TRAF3IP1: variants seen among roughly 807,000 people sequenced by gnomAD.
The protein encoded by TRAF3IP1 is TRAF3-interacting protein 1.
In TRAF3IP1, 53 loss-of-function variants were observed where a neutral mutation model predicts 89.9. That is an observed-to-expected ratio of 0.59 (90% CI 0.47 to 0.74). The LOEUF is 0.74. TRAF3IP1 is among the 30% of genes least tolerant of loss of function. The pLI, the probability that TRAF3IP1 is intolerant of heterozygous loss-of-function variation, is 0.00. For synonymous variants in TRAF3IP1, 311 were observed against 322.1 expected (o/e 0.97, Z 0.37); for missense variants, 806 against 866.1 (o/e 0.93, Z 0.87).
chr2:238,352,677 A>G, intron 12 of TRAF3IP1, 150 bp from the exon 13 acceptor site: 3 of 785,572 alleles, frequency 3.8e-6, no homozygotes, highest in Non-Finnish European at 2.0e-6. Context: ...CAGACAGTCC[A>G]TCTTAGCTTC....
intron 1 of TRAF3IP1, among the ~76,000 whole-genome samples, chr2:238,321,404 A>G (rs1396999744): frequency 6.6e-6 from 1 of 152,042 alleles, no homozygotes; most frequent in Admixed American, 6.5e-5. Context: ...TTCCCTCCAT[A>G]CCACATTTTG....
intron 15 of TRAF3IP1, among the ~76,000 whole-genome samples, chr2:238,382,879 C>CCT (rs1326504411): frequency 6.6e-6 from 1 of 151,784 alleles, no homozygotes; most frequent in Non-Finnish European, 1.5e-5. Context: ...CTCGTTGCCT[C>CCT]CTCTCTCTCT....
chr2:238,359,470 T>C (rs1015104341), intron 15 of TRAF3IP1, among the ~76,000 whole-genome samples: 2 of 152,170 alleles, frequency 1.3e-5, no homozygotes, highest in Non-Finnish European at 2.9e-5. Flanking sequence ...TGTGCACTCT[T>C]TGAGGTTTTT....
At chr2:238,328,576 T>C in intron 3 of TRAF3IP1, 110 bp from the exon 4 acceptor site, 1 of 1,266,488 alleles carries the variant, frequency 7.9e-7, no homozygotes, top group Non-Finnish European at 1.1e-6. Context: ...AATTTCATTG[T>C]AGACAGAGAA....
intron 1 of TRAF3IP1, among the ~76,000 whole-genome samples, chr2:238,324,129 A>G (rs1044346223): frequency 3.3e-5 from 5 of 152,034 alleles, no homozygotes; most frequent in African/African-American, 1.2e-4. Flanking sequence ...GTCCTGTGGC[A>G]TGATTCTGAC....
At position 238,320,645 on chromosome 2, in the gene TRAF3IP1, C is replaced by T. The variant is rs775108627; in HGVS notation, c.-18C>T. On this transcript the variant is annotated 5_prime_UTR_variant, in exon 1 of 17. Coordinates refer to ENST00000373327, the MANE Select transcript of TRAF3IP1 (RefSeq NM_015650.4). The stretch of plus-strand genomic sequence containing the variant: ...CCGGCTGAGGGGCGCGGGCGGCCAG[C>T]GGGCGGCGGACGCCGTCATGAACGC... The T allele has an allele frequency of 1.5e-6, 2 of 1,325,660 alleles. No homozygotes were observed. The highest frequency in any genetic ancestry group is 3.7e-5 in the East Asian group (1 of 27,314). The allele number at this position is 1,325,660 out of a possible 1,614,324, so 82.1% of individuals were successfully genotyped here.
chr2:238,365,036 A>C (rs1699817326), intron 15 of TRAF3IP1, among the ~76,000 whole-genome samples: 1 of 152,214 alleles, frequency 6.6e-6, no homozygotes, highest in Admixed American at 6.5e-5. Context: ...GGATACAATG[A>C]CCTTATCGTG....
At chr2:238,364,384 T>C (rs1699787092) in intron 15 of TRAF3IP1, among the ~76,000 whole-genome samples, 1 of 146,960 alleles carries the variant, frequency 6.8e-6, no homozygotes, top group Admixed American at 6.9e-5. Context: ...TTGTTAATAG[T>C]AAGATATTAG....
At chr2:238,385,251 C>T (rs1018254419) in intron 15 of TRAF3IP1, among the ~76,000 whole-genome samples, 1 of 151,484 alleles carries the variant, frequency 6.6e-6, no homozygotes, top group Non-Finnish European at 1.5e-5. Flanking sequence ...CTCCTGACCT[C>T]GTGATCCGCC....
intron 15 of TRAF3IP1, among the ~76,000 whole-genome samples, chr2:238,369,794 GAAGT>G (rs1422376618): frequency 6.6e-6 from 1 of 152,086 alleles, no homozygotes; most frequent in East Asian, 1.9e-4. Flanking sequence ...TTGTACAATC[GAAGT>G]ACCCTGTGCT....
At chr2:238,325,742 C>A in intron 2 of TRAF3IP1, 67 bp from the exon 3 acceptor site, 2 of 1,458,410 alleles carry the variant, frequency 1.4e-6, no homozygotes, top group Middle Eastern at 2.0e-4. Context: ...GCCTGGTAAA[C>A]ATACAGAAGA....
At chr2:238,333,687 G>A (rs1698237657) in intron 6 of TRAF3IP1, among the ~76,000 whole-genome samples, 1 of 152,204 alleles carries the variant, frequency 6.6e-6, no homozygotes, top group African/African-American at 2.4e-5. Flanking sequence ...CAATAAGACA[G>A]TGTTTCTCAA....
intron 8 of TRAF3IP1, among the ~76,000 whole-genome samples, chr2:238,340,208 G>T (rs552295997): frequency 2.0e-4 from 31 of 152,312 alleles, no homozygotes; most frequent in South Asian, 1.2e-3. Context: ...GCAGTTGCAG[G>T]TGTTACCTTG....
At chr2:238,390,391 G>A (rs1020776117) in intron 15 of TRAF3IP1, among the ~76,000 whole-genome samples, 5 of 152,192 alleles carry the variant, frequency 3.3e-5, no homozygotes, top group Admixed American at 6.5e-5. Context: ...AGATGGAGAA[G>A]GAAGTGTGTC....
At chr2:238,353,033 A>G (rs578095014) in intron 13 of TRAF3IP1, 83 bp downstream of exon 13, 2 of 1,530,624 alleles carry the variant, frequency 1.3e-6, no homozygotes, top group South Asian at 1.2e-5. Flanking sequence ...AGATTTATGT[A>G]GACAAAAATG....
At chr2:238,388,651 G>C (rs559373968) in intron 15 of TRAF3IP1, among the ~76,000 whole-genome samples, 90 of 136,966 alleles carry the variant, frequency 6.6e-4, no homozygotes, top group Non-Finnish European at 1.3e-3. Context: ...AGGCTGGAGT[G>C]CAATGGCGTG....
chr2:238,390,084 C>T (rs1700931077), intron 15 of TRAF3IP1, among the ~76,000 whole-genome samples: 1 of 152,182 alleles, frequency 6.6e-6, no homozygotes, highest in African/African-American at 2.4e-5. Flanking sequence ...GCTGAGTAAA[C>T]AGTCTTTAGC....
intron 5 of TRAF3IP1, among the ~76,000 whole-genome samples, chr2:238,332,439 C>T (rs1259970328): frequency 6.6e-6 from 1 of 152,220 alleles, no homozygotes; most frequent in Non-Finnish European, 1.5e-5. Context: ...GGAGCAGTTT[C>T]TCCGTGGGTG....
At chr2:238,364,265 A>G (rs1053674832) in intron 15 of TRAF3IP1, among the ~76,000 whole-genome samples, 1 of 152,172 alleles carries the variant, frequency 6.6e-6, no homozygotes, top group African/African-American at 2.4e-5. Flanking sequence ...TTATTGTACT[A>G]ATGGACTTGA....
Sources: allele counts gnomAD v4.1 joint callset (sites outside exome capture counted in the v4.1 genomes callset), GRCh38; gene constraint gnomAD v4.1.1; transcripts MANE v1.5; gene names NCBI Gene and HGNC (gene_info 2026-07-23, HGNC 2026-07-21).